FECH: variants seen among roughly 807,000 people sequenced by gnomAD.
The protein encoded by FECH is ferrochelatase, mitochondrial.
In FECH, 40 loss-of-function variants were observed where a neutral mutation model predicts 56.9. The ratio of observed to expected loss-of-function variants is 0.70; its 90% CI spans 0.55 to 0.92. The LOEUF (loss-of-function observed/expected upper bound fraction) is 0.92. FECH is among the 40% of genes least tolerant of loss of function. The probability of loss-of-function intolerance (pLI) is 0.00; values close to 1 mark genes in which losing one functional copy is unlikely to be tolerated. For missense variants in FECH, 431 were observed against 529.1 expected (o/e 0.81, Z 1.82); for synonymous variants, 175 against 198.6 (o/e 0.88, Z 1.00).
chr18:57,554,723 G>A (rs964409596), intron 8 of FECH, 122 bp downstream of exon 8: 17 of 824,506 alleles, frequency 2.1e-5, no homozygotes, highest in Non-Finnish European at 3.3e-5. Context: ...TCTGCCCATG[G>A]TGAGCAATCA....
In FECH at chr18:57,559,055, T is replaced by C. The variant is rs116341221; in HGVS notation, c.804+90A>G. ...TCATTCTTGCACTGGGCTTAGGACATAATGGAAGCTGGACCCATTTTACAC... is the reference window on the plus strand; with the variant it reads ...TCATTCTTGCACTGGGCTTAGGACACAATGGAAGCTGGACCCATTTTACAC... On this transcript the variant is annotated intron_variant, in intron 7 of 10. Transcript: ENST00000262093. 1.6e-3 allele frequency: 1,406 copies of C among 874,620 alleles called. 18 individuals carry two copies. In the African/African-American group the frequency reaches 0.021, roughly 13 times the overall value. The allele number at this position is 874,620 out of a possible 1,614,324, so 54.2% of individuals were successfully genotyped here.
intron 1 of FECH, 72 bp from the exon 2 acceptor site, chr18:57,580,271 AT>A: frequency 6.4e-7 from 1 of 1,573,232 alleles, no homozygotes; most frequent in Non-Finnish European, 8.7e-7. Flanking sequence ...TCCTCAGAGC[AT>A]AATTCCTGAC....
chr18:57,567,377 G>A (rs2051032806), intron 4 of FECH, among the ~76,000 whole-genome samples: 1 of 152,004 alleles, frequency 6.6e-6, no homozygotes, highest in South Asian at 2.1e-4. Context: ...GTCCTTTCAC[G>A]AATACCCTCT....
At chr18:57,561,227 A>G (rs1275358306) in intron 6 of FECH, among the ~76,000 whole-genome samples, 1 of 152,202 alleles carries the variant, frequency 6.6e-6, no homozygotes, top group Non-Finnish European at 1.5e-5. Context: ...ATTTGGAGCA[A>G]TTACTACCTA....
At chr18:57,566,956 C>T (rs1364226908) in intron 4 of FECH, among the ~76,000 whole-genome samples, 1 of 151,910 alleles carries the variant, frequency 6.6e-6, no homozygotes. Context: ...ATGGTAGCCA[C>T]TGGGCATTAT....
Position 57,570,132 on chromosome 18 carries a change from G to A in FECH, c.463+1260C>T, listed in dbSNP as rs552810442. Among the ~76,000 whole-genome samples the A allele has an allele frequency of 1.4e-3, 210 of 151,502 alleles. 1 individual carries two copies. Among genetic ancestry groups the A allele is most frequent in the Admixed American group, 2.2e-3 (34 of 15,180 alleles). On this transcript the variant is annotated intron_variant, in intron 4 of 10. Transcript: ENST00000262093. ...TGGTCTCAAACTCCTGGGCTCAAGC[G>A]ATCCACCTGCCTTGGCCTCCCAAAG...
At chr18:57,565,969 G>A (rs757258058) in intron 5 of FECH, among the ~76,000 whole-genome samples, 85 of 152,288 alleles carry the variant, frequency 5.6e-4, no homozygotes, top group Non-Finnish European at 1.1e-3. Context: ...CCCAAACTGG[G>A]CTTTAGTTTT....
rs2051201315 is a variant in FECH at position 57,577,576 on chromosome 18, C to T, written c.194+2497G>A. 4.6e-5 allele frequency among the ~76,000 whole-genome samples: 7 copies of T among 152,348 alleles called. No individual in the cohort carries two copies. In the South Asian group the frequency reaches 1.4e-3, roughly 32 times the overall value. ...TTTCTAATATTAAAAAACTAGAAAT[C>T]ACCTACGTGTCCCAGAATGTTGGTC... On this transcript the variant is annotated intron_variant, in intron 2 of 10. Coordinates refer to ENST00000262093, the MANE Select transcript of FECH (RefSeq NM_000140.5).
At chr18:57,577,021 A>G (rs1450726029) in intron 2 of FECH, among the ~76,000 whole-genome samples, 1 of 152,240 alleles carries the variant, frequency 6.6e-6, no homozygotes, top group Admixed American at 6.5e-5. Flanking sequence ...CTCTCAAAAT[A>G]CAAGGTTTTT....
Position 57,586,580 on chromosome 18 carries a change from G to A in FECH, c.41C>T (p.Ala14Val), listed in dbSNP as rs2051380472. 6.6e-7 allele frequency: 1 copy of A among 1,521,748 alleles called. No homozygotes were observed. The highest frequency in any genetic ancestry group is 1.4e-5 in the African/African-American group (1 of 70,190). 94.3% of individuals were successfully genotyped at this position (1,521,748 alleles called of 1,614,324 possible). A position where few individuals can be genotyped will look rare whatever the true frequency, so the allele number is the denominator to read the frequency against. ...CGGATCGCGGAGCAGGACGCCCGCG[G>A]CGCGCAGGGCCGCAGCCATGTTTGC... ...LGANMAAALR[A>V]AGVLLRDPLA... Residue 14 changes from alanine (A) to valine (V), a missense_variant, in exon 1 of 11, where the codon GCC (alanine) becomes GTC (valine). Physicochemically the swap from Ala to Val is moderately conservative, Grantham distance 64. Transcript: ENST00000262093.
chr18:57,561,174 C>G (rs1362682153), intron 6 of FECH, among the ~76,000 whole-genome samples: 2 of 152,214 alleles, frequency 1.3e-5, no homozygotes, highest in African/African-American at 4.8e-5. Context: ...AACCCAACAG[C>G]TAAATAAATA....
At chr18:57,558,027 C>A (rs1454725973) in intron 7 of FECH, among the ~76,000 whole-genome samples, 1 of 152,196 alleles carries the variant, frequency 6.6e-6, no homozygotes, top group Non-Finnish European at 1.5e-5. Flanking sequence ...CCAGCAGAGA[C>A]GATGAGTGGA....
Position 57,559,231 on chromosome 18 carries a change from G to A in FECH, c.718C>T (p.His240Tyr). 6.2e-7 allele frequency: 1 copy of A among 1,610,610 alleles called. No individual in the cohort carries two copies. Among genetic ancestry groups the A allele is most frequent in the Non-Finnish European group, 8.5e-7 (1 of 1,177,006 alleles). ...AAATGGTCCAGTTCCTTTAGAATAT[G>A]ATCTGCAAAGCACTGAGTGAGTAAC... The part of the protein sequence containing the change: ...HHLLIQCFAD[H>Y]ILKELDHFPL... Residue 240 changes from histidine (H) to tyrosine (Y), a missense_variant, in exon 7 of 11, where the codon CAT (histidine) becomes TAT (tyrosine). Physicochemically the swap from His to Tyr is moderately conservative, Grantham distance 83 (BLOSUM62 2). Transcript: ENST00000262093.
At chr18:57,585,571 A>G (rs2051356903) in intron 1 of FECH, among the ~76,000 whole-genome samples, 1 of 152,208 alleles carries the variant, frequency 6.6e-6, no homozygotes, top group Non-Finnish European at 1.5e-5. Context: ...GCCTCATTGT[A>G]CACTGGGTCC....
chr18:57,572,712 G>A (rs2051132713), intron 3 of FECH, among the ~76,000 whole-genome samples: 1 of 151,678 alleles, frequency 6.6e-6, no homozygotes, highest in Non-Finnish European at 1.5e-5. Flanking sequence ...GTGGATAACT[G>A]GGAGTGCAAG....
At chr18:57,551,395 G>C in intron 9 of FECH, 21 bp from the exon 10 acceptor site, 2 of 1,598,118 alleles carry the variant, frequency 1.3e-6, no homozygotes, top group Non-Finnish European at 1.7e-6. Context: ...TGAGAAAAGG[G>C]AGGAAAAACA....
At chr18:57,554,152 C>A (rs2050835974) in intron 9 of FECH, 108 bp downstream of exon 9, 1 of 1,224,244 alleles carries the variant, frequency 8.2e-7, no homozygotes, top group Non-Finnish European at 1.2e-6. Context: ...ACCGTACATG[C>A]AAACAAATAC....
chr18:57,574,689 G>A (rs1216076022), intron 2 of FECH, among the ~76,000 whole-genome samples: 1 of 152,282 alleles, frequency 6.6e-6, no homozygotes. Flanking sequence ...AGGACCAGGT[G>A]CCTCTGGCAC....
At chr18:57,578,128 T>C (rs2051209060) in intron 2 of FECH, among the ~76,000 whole-genome samples, 1 of 152,200 alleles carries the variant, frequency 6.6e-6, no homozygotes, top group Non-Finnish European at 1.5e-5. Flanking sequence ...ATAATTTTTC[T>C]TCTAGGATTC....
Sources: allele counts gnomAD v4.1 joint callset (sites outside exome capture counted in the v4.1 genomes callset), GRCh38; gene constraint gnomAD v4.1.1; transcripts MANE v1.5; gene names NCBI Gene and HGNC (gene_info 2026-07-23, HGNC 2026-07-21).